SLIT3: variants seen among roughly 807,000 people sequenced by gnomAD.
SLIT3 encodes slit guidance ligand 3, also known as slit homolog 3 protein.
In SLIT3, 68 loss-of-function variants were observed where a neutral mutation model predicts 184.0. The ratio of observed to expected loss-of-function variants is 0.37; its 90% CI spans 0.30 to 0.45. SLIT3 has a LOEUF of 0.45. Among genes scored for constraint, SLIT3 ranks in the 20% least tolerant of loss-of-function variants. The pLI is 1.00. For missense variants in SLIT3, 1,707 were observed against 2,026.0 expected, an observed-to-expected ratio of 0.84 and a Z score of 3.02; for synonymous variants, 831 against 828.6, an observed-to-expected ratio of 1.00 and a Z score of -0.05.
At chr5:168,669,730 G>A (rs1761175668) in intron 35 of SLIT3, 53 bp downstream of exon 35, 2 of 1,444,994 alleles carry the variant, frequency 1.4e-6, no homozygotes, top group African/African-American at 2.8e-5. Context: ...ATCTGGATGT[G>A]AAGTCCAACT....
intron 1 of SLIT3, among the ~76,000 whole-genome samples, chr5:169,286,296 A>G (rs1215829774): frequency 6.6e-6 from 1 of 152,162 alleles, no homozygotes; most frequent in Non-Finnish European, 1.5e-5. Context: ...AGAAACACCG[A>G]CTGCTATTTT....
intron 21 of SLIT3, 58 bp downstream of exon 21, chr5:168,724,358 T>C: frequency 1.4e-6 from 2 of 1,452,626 alleles, no homozygotes; most frequent in Non-Finnish European, 1.9e-6. Context: ...CCACTTCAGT[T>C]TCCTGAGCGA....
At chr5:169,210,863 C>T (rs1268139576) in intron 3 of SLIT3, among the ~76,000 whole-genome samples, 22 of 152,304 alleles carry the variant, frequency 1.4e-4, no homozygotes. Context: ...TGTGATTTTG[C>T]AGTATCTTCC....
At chr5:168,875,773 G>GA (rs1203354734) in intron 5 of SLIT3, among the ~76,000 whole-genome samples, 3 of 151,508 alleles carry the variant, frequency 2.0e-5, no homozygotes, top group East Asian at 1.9e-4. Context: ...TAAGAGGGAG[G>GA]AAAAAAAGGA....
At chr5:169,266,071 G>A (rs546161015) in intron 1 of SLIT3, among the ~76,000 whole-genome samples, 2 of 152,284 alleles carry the variant, frequency 1.3e-5, no homozygotes, top group African/African-American at 2.4e-5. Flanking sequence ...TCCAGGTGGC[G>A]ACTATCAGTC....
chr5:169,076,978 A>C (rs778946774), intron 4 of SLIT3, among the ~76,000 whole-genome samples: 2 of 151,864 alleles, frequency 1.3e-5, no homozygotes, highest in Non-Finnish European at 1.5e-5. Flanking sequence ...ACACACACAC[A>C]CCCTAGAGGG....
Position 168,692,687 on chromosome 5 carries a change from G to A in SLIT3, c.3096C>T (p.Asp1032=), listed in dbSNP as rs201687321. The A allele has an allele frequency of 9.5e-5, 153 of 1,613,682 alleles. No homozygotes were observed. Among genetic ancestry groups the A allele is most frequent in the Middle Eastern group, 8.2e-4 (5 of 6,076 alleles). Residue 1032 remains aspartate, a synonymous_variant, in exon 29 of 36, where the codon GAC becomes GAT. Coordinates refer to ENST00000519560, the MANE Select transcript of SLIT3 (RefSeq NM_003062.4). ...CAGGCACACAGTGGTCAATCACCTC[G>A]TCGCATAGCTCACCTGGCACAGATG... ...CPPNYTGELC[D]EVIDHCVPEL... is the part of the protein sequence containing the mutation.
intron 4 of SLIT3, among the ~76,000 whole-genome samples, chr5:168,966,117 G>T (rs190334437): frequency 4.2e-4 from 64 of 152,292 alleles, no homozygotes; most frequent in African/African-American, 1.5e-3. Context: ...CAACATAAAA[G>T]CAAGAGTTTT....
intron 4 of SLIT3, among the ~76,000 whole-genome samples, chr5:169,053,828 C>T (rs181589691): frequency 1.3e-5 from 2 of 152,254 alleles, no homozygotes; most frequent in East Asian, 3.9e-4. Context: ...TGGCTCATGC[C>T]TATAATCTCT....
At chr5:168,707,657 G>A in intron 26 of SLIT3, 1 of 247,990 alleles carries the variant, frequency 4.0e-6, no homozygotes, top group Non-Finnish European at 7.8e-6. Flanking sequence ...CTCAAGGGAT[G>A]CCTCTACTTG....
intron 4 of SLIT3, among the ~76,000 whole-genome samples, chr5:168,896,701 T>C (rs1175825745): frequency 6.6e-6 from 1 of 151,670 alleles, no homozygotes; most frequent in African/African-American, 2.4e-5. Context: ...GGTTGGAAAA[T>C]GGTTGACTGT....
intron 9 of SLIT3, 39 bp downstream of exon 9, chr5:168,806,407 C>T (rs547741855): frequency 7.4e-6 from 12 of 1,612,120 alleles, no homozygotes; most frequent in South Asian, 2.2e-5. Flanking sequence ...CTGAATTCTC[C>T]GGCGACAGTT....
intron 5 of SLIT3, among the ~76,000 whole-genome samples, chr5:168,858,355 C>T (rs931086508): frequency 6.6e-6 from 1 of 152,212 alleles, no homozygotes; most frequent in Admixed American, 6.5e-5. Flanking sequence ...TTGTCTCCTT[C>T]AGAAATGATC....
chr5:168,750,699 T>G (rs2113464884), intron 18 of SLIT3, among the ~76,000 whole-genome samples: 1 of 152,234 alleles, frequency 6.6e-6, no homozygotes, highest in Admixed American at 6.5e-5. Flanking sequence ...TTCACTGATG[T>G]TAGCTCCCAA....
chr5:169,085,881 C>G (rs748604257), intron 4 of SLIT3, among the ~76,000 whole-genome samples: 6 of 152,210 alleles, frequency 3.9e-5, no homozygotes, highest in Non-Finnish European at 8.8e-5. Context: ...CATCTTGCCA[C>G]CTTTCAAAGC....
chr5:168,773,279 G>A (rs1052391037), intron 13 of SLIT3, among the ~76,000 whole-genome samples: 2 of 152,178 alleles, frequency 1.3e-5, no homozygotes, highest in African/African-American at 4.8e-5. Context: ...GTTTGCACTT[G>A]GGGTAGAATG....
chr5:168,752,887 G>C, intron 18 of SLIT3, 68 bp downstream of exon 18: 8 of 1,474,884 alleles, frequency 5.4e-6, no homozygotes, highest in Non-Finnish European at 7.5e-6. Flanking sequence ...GTAGCAGGGA[G>C]CTGGGAGGAG....
chr5:168,677,376 A>C (rs902064262), intron 32 of SLIT3, among the ~76,000 whole-genome samples: 13 of 152,114 alleles, frequency 8.5e-5, no homozygotes, highest in Non-Finnish European at 1.0e-4. Context: ...TCCTGGGCTC[A>C]AGCCATCCTC....
rs866259756 is a variant in SLIT3, at chr5:168,708,132, G to C, written c.2720-32C>G. 23 of 1,613,962 alleles carry C rather than the reference G, an allele frequency of 1.4e-5. No individual in the cohort carries two copies. The African/African-American group carries it at 1.6e-4, about 11-fold the overall frequency. On this transcript the variant is annotated intron_variant, in intron 25 of 35. Transcript: ENST00000519560. The stretch of plus-strand genomic sequence containing the variant: ...AGCAAAACCAGAGTACTGATGGCAG[G>C]TCCTGAGTGCGCTCACTGCCATACC...
Sources: gnomAD v4.1 joint callset for allele counts (sites outside exome capture counted in the v4.1 genomes callset) on GRCh38, gnomAD v4.1.1 for gene constraint, MANE v1.5 for transcripts, NCBI Gene and HGNC (gene_info 2026-07-23, HGNC 2026-07-21) for gene names.